Variants in RNGTT observed in about 807,000 individuals in gnomAD.
RNGTT encodes RNA guanylyltransferase and 5'-phosphatase.
In RNGTT, 33 loss-of-function variants were observed where a neutral mutation model predicts 79.3. The ratio of observed to expected loss-of-function variants is 0.42; its 90% CI spans 0.32 to 0.56. The LOEUF (loss-of-function observed/expected upper bound fraction) is 0.56, where lower values mean the gene tolerates loss of function less well. RNGTT is among the 20% of genes least tolerant of loss of function. The pLI, the probability that RNGTT is intolerant of heterozygous loss-of-function variation, is 0.17. For synonymous variants in RNGTT, 222 were observed against 235.9 expected (o/e 0.94, Z 0.54); for missense variants, 497 against 739.1 (o/e 0.67, Z 3.80).
At chr6:88,640,670 A>G (rs1773280788) in intron 14 of RNGTT, among the ~76,000 whole-genome samples, 1 of 152,232 alleles carries the variant, frequency 6.6e-6, no homozygotes. Context: ...GAGGTTTTAA[A>G]AAAGAATGAG....
intron 2 of RNGTT, among the ~76,000 whole-genome samples, chr6:88,934,029 G>T (rs1784588457): frequency 6.6e-6 from 1 of 151,930 alleles, no homozygotes; most frequent in Non-Finnish European, 1.5e-5. Context: ...TAATAGTTTT[G>T]TTTTGTTTTT....
chr6:88,689,373 C>G (rs569052329), intron 13 of RNGTT, among the ~76,000 whole-genome samples: 2 of 152,196 alleles, frequency 1.3e-5, no homozygotes, highest in African/African-American at 4.8e-5. Context: ...GTGGGCAGAT[C>G]ACCTAAGGTC....
intron 1 of RNGTT, among the ~76,000 whole-genome samples, chr6:88,961,353 G>A (rs935581591): frequency 1.3e-5 from 2 of 150,958 alleles, no homozygotes; most frequent in Non-Finnish European, 3.0e-5. Context: ...GTGTGTGTGT[G>A]TATATATATA....
At chr6:88,624,459 C>T (rs1772551526) in intron 14 of RNGTT, among the ~76,000 whole-genome samples, 1 of 151,682 alleles carries the variant, frequency 6.6e-6, no homozygotes, top group African/African-American at 2.4e-5. Context: ...TTGACCAAGG[C>T]ACAAAGGCAA....
At chr6:88,671,663 A>C (rs1774643536) in intron 14 of RNGTT, among the ~76,000 whole-genome samples, 1 of 152,240 alleles carries the variant, frequency 6.6e-6, no homozygotes, top group Non-Finnish European at 1.5e-5. Context: ...CCTAAGCAAA[A>C]ACAACAAATC....
chr6:88,801,500 A>G (rs1779781668), intron 12 of RNGTT, 64 bp downstream of exon 12: 2 of 1,259,016 alleles, frequency 1.6e-6, no homozygotes, highest in East Asian at 2.3e-5. Context: ...ATGTATATGT[A>G]TATCTGTGTA....
rs146075593 is a variant in RNGTT, at chr6:88,797,501, C to A, written c.1338+4063G>T. Among the ~76,000 whole-genome samples the A allele has an allele frequency of 9.2e-5, 14 of 152,098 alleles. No homozygotes were observed. In the East Asian group the frequency reaches 2.7e-3, roughly 29 times the overall value. ...ACTCTAAGAAGAAAAGGCTATGCAG[C>A]AGGACTAAAGAATGGAAGGCTTCAG... On this transcript the variant is annotated intron_variant, in intron 12 of 15. Transcript: ENST00000369485.
chr6:88,942,240 C>A (rs1175321428), intron 1 of RNGTT, among the ~76,000 whole-genome samples: 2 of 152,148 alleles, frequency 1.3e-5, no homozygotes, highest in Admixed American at 1.3e-4. Context: ...CCAAAATCAT[C>A]CTTCAAACAA....
intron 13 of RNGTT, among the ~76,000 whole-genome samples, chr6:88,696,447 C>A (rs920727411): frequency 6.6e-6 from 1 of 152,106 alleles, no homozygotes; most frequent in African/African-American, 2.4e-5. Context: ...AATGATCCTA[C>A]AAACTATTCT....
At chr6:88,648,917 A>G (rs1052090677) in intron 14 of RNGTT, among the ~76,000 whole-genome samples, 14 of 152,284 alleles carry the variant, frequency 9.2e-5, no homozygotes, top group South Asian at 2.1e-4. Flanking sequence ...AAATGTTACT[A>G]ATCTTTATAT....
intron 13 of RNGTT, among the ~76,000 whole-genome samples, chr6:88,698,464 A>G (rs1268952298): frequency 6.6e-6 from 1 of 151,006 alleles, no homozygotes; most frequent in Non-Finnish European, 1.5e-5. Context: ...AACAGACAGT[A>G]CTTACCTTAA....
chr6:88,924,099 G>A (rs945499239), intron 4 of RNGTT, among the ~76,000 whole-genome samples: 9 of 152,200 alleles, frequency 5.9e-5, no homozygotes, highest in African/African-American at 1.4e-4. Flanking sequence ...GGCTGGCTTC[G>A]CATGAGGAGG....
At chr6:88,686,492 G>C (rs1470327806) in intron 13 of RNGTT, among the ~76,000 whole-genome samples, 1 of 151,880 alleles carries the variant, frequency 6.6e-6, no homozygotes, top group Non-Finnish European at 1.5e-5. Flanking sequence ...GAAGAACAAA[G>C]TAGGAGGACT....
intron 1 of RNGTT, among the ~76,000 whole-genome samples, chr6:88,946,737 C>T (rs558445914): frequency 2.0e-3 from 302 of 150,898 alleles, no homozygotes; most frequent in African/African-American, 7.1e-3. Context: ...GCCATCTCGG[C>T]TCACTGCAAC....
At chr6:88,662,698 C>G (rs922027969) in intron 14 of RNGTT, among the ~76,000 whole-genome samples, 3 of 152,208 alleles carry the variant, frequency 2.0e-5, no homozygotes, top group African/African-American at 7.2e-5. Context: ...AGGACTCCGG[C>G]GAGCTTAAGC....
rs185703636 is a variant in RNGTT, at chr6:88,886,999, C to A, written c.896+3496G>T. ...GCCAACAGGGAAGAATCACTTGAGG[C>A]CAGGAGTTTGAGACCATCCTGAGCA... On this transcript the variant is annotated intron_variant, in intron 8 of 15. Transcript: ENST00000369485. Among the ~76,000 whole-genome samples, 9 of 146,426 alleles carry A rather than the reference C, an allele frequency of 6.1e-5. No individual in the cohort carries two copies. The East Asian group carries it at 1.8e-3, about 30-fold the overall frequency.
intron 11 of RNGTT, among the ~76,000 whole-genome samples, chr6:88,837,336 G>T (rs111635088): frequency 6.6e-6 from 1 of 152,130 alleles, no homozygotes; most frequent in Admixed American, 6.6e-5. Context: ...GTTCAAGGCT[G>T]TAGTGAGCTA....
intron 14 of RNGTT, among the ~76,000 whole-genome samples, chr6:88,665,910 A>C (rs1329020344): frequency 6.6e-6 from 1 of 152,236 alleles, no homozygotes; most frequent in African/African-American, 2.4e-5. Context: ...CCAAGAAGAA[A>C]GCTCAGATCT....
chr6:88,866,920 C>A (rs1055453603), intron 8 of RNGTT, among the ~76,000 whole-genome samples: 7 of 152,284 alleles, frequency 4.6e-5, no homozygotes, highest in African/African-American at 1.4e-4. Context: ...GTAAAAACCA[C>A]TTGGTCTCTC....
Sources: allele counts gnomAD v4.1 joint callset (sites outside exome capture counted in the v4.1 genomes callset), GRCh38; gene constraint gnomAD v4.1.1; transcripts MANE v1.5; gene names NCBI Gene and HGNC (gene_info 2026-07-23, HGNC 2026-07-21).